GMDS: variants seen among roughly 807,000 people sequenced by gnomAD.
The protein encoded by GMDS is GDP-mannose 4,6 dehydratase.
In GMDS, 20 loss-of-function variants were observed where a neutral mutation model predicts 49.9. The ratio of observed to expected loss-of-function variants is 0.40; its 90% CI spans 0.28 to 0.58. The LOEUF is 0.58. Ranked by LOEUF, GMDS falls within the 20% of genes least tolerant of loss-of-function variation. The probability of loss-of-function intolerance (pLI) is 0.42; values close to 1 mark genes in which losing one functional copy is unlikely to be tolerated. For missense variants in GMDS, 362 were observed against 481.4 expected, an observed-to-expected ratio of 0.75 and a Z score of 2.32; for synonymous variants, 177 against 178.6, an observed-to-expected ratio of 0.99 and a Z score of 0.07.
chr6:2,150,982 T>C (rs570531461), intron 1 of GMDS, among the ~76,000 whole-genome samples: 1 of 152,164 alleles, frequency 6.6e-6, no homozygotes, highest in Non-Finnish European at 1.5e-5. Flanking sequence ...GCCTGAACTA[T>C]TAGCGATATC....
intron 8 of GMDS, among the ~76,000 whole-genome samples, chr6:1,742,235 G>C (rs562121366): frequency 6.6e-6 from 1 of 152,202 alleles, no homozygotes; most frequent in East Asian, 1.9e-4. Context: ...CATCTTAAAA[G>C]AAAGATGAAA....
chr6:1,928,970 A>AAAAT (rs36003101), intron 7 of GMDS, among the ~76,000 whole-genome samples: 62,714 of 147,902 alleles, frequency 0.42, 14,041 homozygotes, highest in Non-Finnish European at 0.49. Context: ...CTCTGTCTCA[A>AAAAT]AAATAAATAA....
intron 1 of GMDS, among the ~76,000 whole-genome samples, chr6:2,152,593 T>C (rs1479848291): frequency 6.6e-6 from 1 of 152,104 alleles, no homozygotes; most frequent in Non-Finnish European, 1.5e-5. Context: ...TTCTAAGATG[T>C]ATAAACAGAA....
intron 7 of GMDS, among the ~76,000 whole-genome samples, chr6:1,852,002 C>A (rs1185778657): frequency 2.0e-5 from 3 of 152,176 alleles, no homozygotes; most frequent in Non-Finnish European, 4.4e-5. Context: ...GGAGAGGCTC[C>A]CACACGGAAT....
chr6:1,983,052 T>C (rs950014065), intron 4 of GMDS, among the ~76,000 whole-genome samples: 2 of 151,948 alleles, frequency 1.3e-5, no homozygotes, highest in Non-Finnish European at 2.9e-5. Flanking sequence ...TGAAACAGAA[T>C]AGAGAACCCA....
chr6:2,097,406 A>T (rs1445270508), intron 4 of GMDS, among the ~76,000 whole-genome samples: 1 of 152,114 alleles, frequency 6.6e-6, no homozygotes. Context: ...GCTTCTGGGA[A>T]GAGAAAGAGG....
chr6:2,128,589 A>G (rs1360181637), intron 1 of GMDS, among the ~76,000 whole-genome samples: 3 of 152,206 alleles, frequency 2.0e-5, no homozygotes, highest in Non-Finnish European at 2.9e-5. Context: ...AGCCAGGACT[A>G]GAATCCTAGC....
At chr6:2,179,527 C>T (rs931673647) in intron 1 of GMDS, among the ~76,000 whole-genome samples, 5 of 152,096 alleles carry the variant, frequency 3.3e-5, no homozygotes, top group African/African-American at 9.7e-5. Flanking sequence ...TTTTGTTCTC[C>T]CACGTGAGAA....
intron 4 of GMDS, among the ~76,000 whole-genome samples, chr6:1,979,402 C>T (rs1765096917): frequency 6.6e-6 from 1 of 152,088 alleles, no homozygotes; most frequent in Non-Finnish European, 1.5e-5. Flanking sequence ...AATGCAATCA[C>T]AAATATTAAC....
intron 9 of GMDS, among the ~76,000 whole-genome samples, chr6:1,719,245 C>T (rs1766280513): frequency 6.6e-6 from 1 of 151,988 alleles, no homozygotes; most frequent in South Asian, 2.1e-4. Flanking sequence ...GAGTTTTTGC[C>T]TTTGCTACTA....
At chr6:1,853,517 CAAA>C (rs34773610) in intron 7 of GMDS, among the ~76,000 whole-genome samples, 4 of 70,382 alleles carry the variant, frequency 5.7e-5, no homozygotes, top group Non-Finnish European at 1.0e-4. Flanking sequence ...GACTCCGTCT[CAAA>C]AAAAAAAAAA....
At chr6:2,006,205 T>G (rs1767156987) in intron 4 of GMDS, among the ~76,000 whole-genome samples, 1 of 151,826 alleles carries the variant, frequency 6.6e-6, no homozygotes, top group Non-Finnish European at 1.5e-5. Context: ...GAGGATCACT[T>G]GACCCCAGGA....
intron 6 of GMDS, among the ~76,000 whole-genome samples, chr6:1,948,079 A>T (rs2127271713): frequency 6.6e-6 from 1 of 152,292 alleles, no homozygotes; most frequent in Non-Finnish European, 1.5e-5. Context: ...GCTTATAACA[A>T]CCTTAAGTGA....
intron 1 of GMDS, among the ~76,000 whole-genome samples, chr6:2,189,010 C>A (rs1778900380): frequency 6.6e-6 from 1 of 152,136 alleles, no homozygotes; most frequent in African/African-American, 2.4e-5. Flanking sequence ...GAGCTGAACT[C>A]AGTATCAGAA....
intron 6 of GMDS, among the ~76,000 whole-genome samples, chr6:1,955,767 CAAAAAAA>C (rs60939377): frequency 2.8e-5 from 3 of 107,936 alleles, no homozygotes; most frequent in African/African-American, 6.8e-5. Context: ...ATGAAGTCTT[CAAAAAAA>C]AAAAAGAAAA....
At position 2,143,123 on chromosome 6, in the gene GMDS, C is replaced by T. The variant is rs114079486; in HGVS notation, c.103-18392G>A. On this transcript the variant is annotated intron_variant, in intron 1 of 10. Transcript: ENST00000380815. ...ATGATGTTGCTGGTTGGCTGGAATA[C>T]ATATTTGCTCCATAAATTAAAATTC... Among the ~76,000 whole-genome samples the T allele has an allele frequency of 5.7e-3, 865 of 152,322 alleles. 2 individuals carry two copies. Among genetic ancestry groups the T allele is most frequent in the Middle Eastern group, 0.017 (5 of 294 alleles).
intron 7 of GMDS, among the ~76,000 whole-genome samples, chr6:1,900,511 T>C (rs533160949): frequency 3.9e-5 from 6 of 152,342 alleles, no homozygotes; most frequent in Admixed American, 2.0e-4. Flanking sequence ...TCAAATTTCA[T>C]AAATCATGAA....
At chr6:1,760,830 T>C (rs1262206183) in intron 7 of GMDS, among the ~76,000 whole-genome samples, 1 of 152,238 alleles carries the variant, frequency 6.6e-6, no homozygotes, top group East Asian at 1.9e-4. Context: ...TGTCCCACTA[T>C]GAGGAGTATC....
rs1266869599 is a variant in GMDS, at chr6:1,912,902, C to CCG, written c.771+17200_771+17201insCG. On this transcript the variant is annotated intron_variant, in intron 7 of 10. Coordinates refer to ENST00000380815, the MANE Select transcript of GMDS (RefSeq NM_001500.4). ...GACCAGCTGGGATTCTCTGTGTGTA[C>CCG]CACAAGCCCAAAGCAGCATTACACA... 3.5e-3 allele frequency among the ~76,000 whole-genome samples: 534 copies of CCG among 152,194 alleles called. 3 individuals carry two copies. Among genetic ancestry groups the CCG allele is most frequent in the African/African-American group, 0.013 (520 of 41,534 alleles).
Sources: gnomAD v4.1 joint callset for allele counts (sites outside exome capture counted in the v4.1 genomes callset) on GRCh38, gnomAD v4.1.1 for gene constraint, MANE v1.5 for transcripts, NCBI Gene and HGNC (gene_info 2026-07-23, HGNC 2026-07-21) for gene names.